PGD: variants seen among roughly 807,000 people sequenced by gnomAD.
PGD encodes 6-phosphogluconate dehydrogenase, decarboxylating.
Under a neutral mutation model 60.4 loss-of-function variants are expected in PGD, and 21 were observed. That is an observed-to-expected ratio of 0.35 (90% CI 0.25 to 0.50). PGD has a LOEUF of 0.50. Among genes scored for constraint, PGD ranks in the 20% least tolerant of loss-of-function variants. The pLI is 0.98. For synonymous variants in PGD, 230 were observed against 235.9 expected, an observed-to-expected ratio of 0.97 and a Z score of 0.23; for missense variants, 477 against 613.1, an observed-to-expected ratio of 0.78 and a Z score of 2.34.
Position 10,417,464 on chromosome 1 carries a change from A to T in PGD, c.1064A>T (p.Tyr355Phe). Residue 355 changes from tyrosine to phenylalanine, a missense_variant, in exon 10 of 13, where the codon TAT becomes TTT. Around this residue, in one of 3 missense-constraint regions of PGD, gnomAD observed 431 missense variants for 556.6 expected, o/e 0.77. Transcript: ENST00000270776. ...AATEFGWTLN[Y>F]GGIALMWRGG... The stretch of plus-strand genomic sequence containing the variant: ...ACCGAGTTTGGCTGGACTCTCAATT[A>T]TGGTGGCATCGCCCTGATGTGGAGA... 1 of 1,613,984 alleles carries T rather than the reference A, an allele frequency of 6.2e-7. No homozygotes were observed. Among genetic ancestry groups the T allele is most frequent in the Non-Finnish European group, 8.5e-7 (1 of 1,179,938 alleles).
At chr1:10,407,950 A>G (rs1249222424) in intron 5 of PGD, 121 bp from the exon 6 acceptor site, 1 of 305,186 alleles carries the variant, frequency 3.3e-6, no homozygotes, top group Non-Finnish European at 6.3e-6. Context: ...CCCTGTCTCA[A>G]AAAAAAAAAA....
intron 4 of PGD, 95 bp from the exon 5 acceptor site, chr1:10,404,066 C>T: frequency 2.4e-6 from 2 of 850,926 alleles, no homozygotes; most frequent in South Asian, 1.7e-5. Flanking sequence ...TATACTTCCT[C>T]TCATTTATAA....
intron 8 of PGD, chr1:10,415,333 G>T (rs1639577425): frequency 6.6e-6 from 1 of 152,252 alleles, no homozygotes; most frequent in South Asian, 2.1e-4. Flanking sequence ...CATAACATAG[G>T]TGAGGAGGGA....
chr1:10,408,849 C>T (rs1639450441), intron 6 of PGD, among the ~76,000 whole-genome samples: 1 of 152,208 alleles, frequency 6.6e-6, no homozygotes, highest in African/African-American at 2.4e-5. Context: ...ACTCTCAAGT[C>T]ATCTGCCTGC....
intron 6 of PGD, among the ~76,000 whole-genome samples, chr1:10,409,166 TTTA>T (rs763979725): frequency 3.9e-5 from 6 of 152,230 alleles, no homozygotes; most frequent in Non-Finnish European, 7.3e-5. Context: ...TAATGTGAAT[TTTA>T]TTATTCAATT....
intron 4 of PGD, 53 bp from the exon 5 acceptor site, chr1:10,404,090 GGGTAGCATAATGAAACAT>G: frequency 9.6e-7 from 1 of 1,041,394 alleles, no homozygotes; most frequent in Non-Finnish European, 1.4e-6. Context: ...AAACATTTTT[GGGTAGCATAATGAAACAT>G]GGAAGCATAA....
At position 10,417,128 on chromosome 1, in the gene PGD, GT is replaced by G. The variant is rs1208286526; in HGVS notation, c.975+12del. On this transcript the variant is annotated intron_variant, in intron 9 of 12. Coordinates refer to ENST00000270776, the MANE Select transcript of PGD (RefSeq NM_002631.4). ...GAGGACATTCGGAAGGTGGGACACA[GT>G]CCCTGGCAGTGGTCTTTGTTGGTCC... The G allele has an allele frequency of 6.2e-7, 1 of 1,613,770 alleles. No individual in the cohort carries two copies. The highest frequency in any genetic ancestry group is 1.7e-5 in the Admixed American group (1 of 60,006).
At chr1:10,412,820 C>A (rs959413817) in intron 7 of PGD, 5 of 433,636 alleles carry the variant, frequency 1.2e-5, no homozygotes, top group African/African-American at 9.8e-5. Flanking sequence ...AAGTGAGGAG[C>A]CCTTGCCTCT....
rs373944377 is a variant in PGD at position 10,403,010 on chromosome 1, T to C, written c.265-61T>C. On this transcript the variant is annotated intron_variant, in intron 3 of 12. Coordinates refer to ENST00000270776, the MANE Select transcript of PGD (RefSeq NM_002631.4). Reference sequence around the variant, plus strand: ...TTTATTTGGAATAAATTCTTGTTTGTTTTAATTTGCCAAGGTATGTTTCAT... The same window carrying C: ...TTTATTTGGAATAAATTCTTGTTTGCTTTAATTTGCCAAGGTATGTTTCAT... 2.3e-5 allele frequency: 25 copies of C among 1,079,280 alleles called. No individual in the cohort carries two copies. The Admixed American group carries it at 3.4e-4, about 15-fold the overall frequency. The allele number at this position is 1,079,280 out of a possible 1,614,324, so 66.9% of individuals were successfully genotyped here. A position where few individuals can be genotyped will look rare whatever the true frequency, so the allele number is the denominator to read the frequency against.
intron 1 of PGD, 68 bp downstream of exon 1, chr1:10,399,193 C>G (rs1382801020): frequency 1.3e-6 from 2 of 1,554,942 alleles, no homozygotes; most frequent in Admixed American, 3.4e-5. Flanking sequence ...GGGTCGAGAT[C>G]TCCCTCGTTC....
chr1:10,406,004 C>T (rs949327476), intron 5 of PGD, among the ~76,000 whole-genome samples: 5 of 152,088 alleles, frequency 3.3e-5, no homozygotes, highest in Non-Finnish European at 7.4e-5. Context: ...CAGGCACCCA[C>T]GACCACGCCC....
chr1:10,405,819 G>A (rs1021042310), intron 5 of PGD, among the ~76,000 whole-genome samples: 15 of 149,882 alleles, frequency 1.0e-4, no homozygotes, highest in African/African-American at 3.7e-4. Flanking sequence ...ATGGGTGACA[G>A]AGCGAGACTC....
rs1639616516 is a variant in PGD at position 10,417,470 on chromosome 1, G to T, written c.1070G>T (p.Gly357Val). The T allele has an allele frequency of 6.2e-7, 1 of 1,613,954 alleles. No individual in the cohort carries two copies. The highest frequency in any genetic ancestry group is 1.1e-5 in the South Asian group (1 of 91,024). Residue 357 changes from glycine (G) to valine (V), a missense_variant, in exon 10 of 13, where the codon GGC (glycine) becomes GTC (valine). Coordinates refer to ENST00000270776, the MANE Select transcript of PGD (RefSeq NM_002631.4). The part of the protein sequence containing the change: ...TEFGWTLNYG[G>V]IALMWRGGCI... ...TTTGGCTGGACTCTCAATTATGGTG[G>T]CATCGCCCTGATGTGGAGAGGGGGC...
At chr1:10,416,282 A>G (rs569114883) in intron 8 of PGD, among the ~76,000 whole-genome samples, 47 of 152,170 alleles carry the variant, frequency 3.1e-4, no homozygotes, top group Non-Finnish European at 5.7e-4. Flanking sequence ...CTATCTCTTC[A>G]TTTTCCCTCA....
chr1:10,413,186 A>G lies in PGD; in HGVS notation c.779A>G (p.Gln260Arg). 6.2e-7 allele frequency: 1 copy of G among 1,614,250 alleles called. No individual in the cohort carries two copies. Among genetic ancestry groups the G allele is most frequent in the Non-Finnish European group, 8.5e-7 (1 of 1,180,046 alleles). ...LLPKIRDSAG[Q>R]KGTGKWTAIS... ...CCAAAGATCAGGGACAGCGCGGGGC[A>G]GAAGGGCACAGGGAAGTGGACCGCC... The change falls in exon 8 of 13, where the codon CAG becomes CGG. Residue 260 changes from glutamine (Q) to arginine (R), a missense_variant. Gln to Arg is a conservative substitution (Grantham distance 43). This residue lies in a region of PGD where 431 missense variants were observed against 556.6 expected (regional missense o/e 0.77). Coordinates refer to ENST00000270776, the MANE Select transcript of PGD (RefSeq NM_002631.4).
In PGD at chr1:10,400,653, C is replaced by G. The variant is rs534146547; in HGVS notation, c.264+81C>G. ...TCCTTTAGTTCTCCTTCTTTTAACT[C>G]TAGAGATTTTTTTTTTTCAATTTCT... On this transcript the variant is annotated intron_variant, in intron 3 of 12. Coordinates refer to ENST00000270776, the MANE Select transcript of PGD (RefSeq NM_002631.4). 8 of 1,108,200 alleles carry G rather than the reference C, an allele frequency of 7.2e-6. No individual in the cohort carries two copies. In the South Asian group the frequency reaches 1.3e-4, roughly 18 times the overall value. The allele number at this position is 1,108,200 out of a possible 1,614,324, so 68.6% of individuals were successfully genotyped here.
intron 3 of PGD, among the ~76,000 whole-genome samples, chr1:10,401,854 A>G (rs1639320734): frequency 6.6e-6 from 1 of 152,044 alleles, no homozygotes; most frequent in Admixed American, 6.6e-5. Context: ...TCTCTACTAA[A>G]AATACAAAAA....
chr1:10,410,789 G>T (rs11579365), intron 6 of PGD, among the ~76,000 whole-genome samples: 53,770 of 151,648 alleles, frequency 0.35, 9,677 homozygotes, highest in Admixed American at 0.39. Context: ...ATTCATTAAC[G>T]GGTATTCTGA....
chr1:10,418,772 T>TAAA, intron 10 of PGD, 54 bp from the exon 11 acceptor site: 1 of 798,138 alleles, frequency 1.3e-6, no homozygotes, highest in African/African-American at 2.5e-5. Flanking sequence ...GGACTCCGTC[T>TAAA]CAAAAAAAAA....
Sources: allele counts gnomAD v4.1 joint callset (sites outside exome capture counted in the v4.1 genomes callset), GRCh38; gene constraint gnomAD v4.1.1; regional missense constraint gnomAD v4.1.1; transcripts MANE v1.5; gene names NCBI Gene and HGNC (gene_info 2026-07-23, HGNC 2026-07-21).